The following MIER1 variants were observed in gnomAD, a reference collection of about 807,000 sequenced individuals.
MIER1 encodes the protein MIER1 transcriptional regulator.
In MIER1, 40 loss-of-function variants were observed where a neutral mutation model predicts 75.7. The observed-to-expected ratio is 0.53, with a 90% CI of 0.41 to 0.69. MIER1 has a LOEUF of 0.69. Ranked by LOEUF, MIER1 falls within the 30% of genes least tolerant of loss-of-function variation. The pLI is 0.00. For synonymous variants in MIER1, 213 were observed against 223.4 expected (o/e 0.95, Z 0.42); for missense variants, 574 against 680.2 (o/e 0.84, Z 1.74).
At chr1:66,981,943 C>T (rs756388873) in intron 13 of MIER1, 25 bp downstream of exon 13, 3 of 1,611,238 alleles carry the variant, frequency 1.9e-6, no homozygotes, top group East Asian at 2.2e-5. Flanking sequence ...AAACATTTCT[C>T]TTTCTTCATA....
chr1:66,941,704 C>T (rs568894297), intron 3 of MIER1, among the ~76,000 whole-genome samples: 1 of 152,288 alleles, frequency 6.6e-6, no homozygotes, highest in South Asian at 2.1e-4. Context: ...GGTGCAGTGG[C>T]TCATGCCTGT....
At chr1:66,928,943 CT>C in intron 2 of MIER1, 1 of 1,606,618 alleles carries the variant, frequency 6.2e-7, no homozygotes. Flanking sequence ...TCTGTGGACT[CT>C]TTTCCTGTCA....
intron 2 of MIER1, among the ~76,000 whole-genome samples, chr1:66,931,213 C>T (rs551071455): frequency 7.0e-4 from 107 of 152,184 alleles, no homozygotes; most frequent in African/African-American, 2.6e-3. Flanking sequence ...ATATTTGGGC[C>T]GCAGTTGGCG....
chr1:66,970,378 GTTACAA>G (rs1227333338), intron 8 of MIER1, among the ~76,000 whole-genome samples: 1 of 152,172 alleles, frequency 6.6e-6, no homozygotes, highest in Non-Finnish European at 1.5e-5. Flanking sequence ...AATAGTTACA[GTTACAA>G]TTACAGGATT....
intron 12 of MIER1, 39 bp downstream of exon 12, chr1:66,976,761 T>C: frequency 6.8e-7 from 1 of 1,465,892 alleles, no homozygotes. Context: ...ATATACATTT[T>C]TGCTAAGCTT....
rs545067586 is a variant in MIER1 at position 66,986,942 on chromosome 1, A to G, written c.*2042A>G. 7.7e-6 allele frequency: 1 copy of G among 129,202 alleles called. No homozygotes were observed. The highest frequency in any genetic ancestry group is 3.6e-5 in the African/African-American group (1 of 28,140). The allele number at this position is 129,202 out of a possible 1,614,324, so 8.0% of individuals were successfully genotyped here. On this transcript the variant is annotated 3_prime_UTR_variant, in exon 14 of 14. Coordinates refer to ENST00000401041, the MANE Select transcript of MIER1 (RefSeq NM_001077700.3). ...GATGCTGTACTTTTTGAATTGTTGC[A>G]GTGTTGGAGATGCCATTTTCACCTT...
intron 3 of MIER1, among the ~76,000 whole-genome samples, chr1:66,940,907 A>C (rs1253771946): frequency 2.0e-5 from 3 of 152,216 alleles, no homozygotes; most frequent in Non-Finnish European, 4.4e-5. Flanking sequence ...TGGGTTAAAG[A>C]GTAGTCCAAT....
intron 2 of MIER1, among the ~76,000 whole-genome samples, chr1:66,927,109 C>T (rs911279690): frequency 2.0e-4 from 31 of 152,022 alleles, no homozygotes; most frequent in Non-Finnish European, 3.7e-4. Flanking sequence ...TTTGTGTGTG[C>T]GTGCGCCTTA....
At chr1:66,978,599 C>A (rs1029349210) in intron 12 of MIER1, among the ~76,000 whole-genome samples, 1 of 152,024 alleles carries the variant, frequency 6.6e-6, no homozygotes, top group Non-Finnish European at 1.5e-5. Flanking sequence ...TTAAAATAGT[C>A]ATGATTTTCA....
intron 2 of MIER1, among the ~76,000 whole-genome samples, chr1:66,931,858 C>G (rs1215443839): frequency 1.3e-5 from 2 of 152,014 alleles, no homozygotes; most frequent in African/African-American, 4.8e-5. Context: ...CAGTTAGTGT[C>G]TTCAGTGGAC....
chr1:66,959,124 T>C (rs1256070260), intron 6 of MIER1, 141 bp downstream of exon 6: 5 of 724,118 alleles, frequency 6.9e-6, no homozygotes, highest in East Asian at 2.7e-5. Flanking sequence ...TTGTAAGTTA[T>C]TAGTTTAGCA....
chr1:66,979,671 GATA>G (rs941275260), intron 12 of MIER1, among the ~76,000 whole-genome samples: 17 of 152,000 alleles, frequency 1.1e-4, no homozygotes, highest in Admixed American at 9.2e-4. Context: ...AGGAAACAAT[GATA>G]ATAATAATTA....
At chr1:66,928,862 CTT>C in intron 2 of MIER1, 1 of 1,535,382 alleles carries the variant, frequency 6.5e-7, no homozygotes. Flanking sequence ...TTTCCTTTCT[CTT>C]CTTTCCCTTG....
intron 5 of MIER1, 25 bp downstream of exon 5, chr1:66,958,245 G>A: frequency 1.3e-6 from 2 of 1,485,500 alleles, no homozygotes; most frequent in East Asian, 2.4e-5. Context: ...ATATATTTAA[G>A]ATTGTAGTCT....
At chr1:66,937,453 C>T (rs747811113) in intron 2 of MIER1, among the ~76,000 whole-genome samples, 34 of 151,964 alleles carry the variant, frequency 2.2e-4, no homozygotes, top group South Asian at 2.1e-3. Context: ...GCCATGGTGG[C>T]GCACGCTTGT....
chr1:66,973,095 A>G (rs1664026819), intron 11 of MIER1, 104 bp downstream of exon 11: 2 of 625,454 alleles, frequency 3.2e-6, no homozygotes, highest in Non-Finnish European at 5.6e-6. Flanking sequence ...AGGTTTCATA[A>G]TTAATATGAC....
intron 3 of MIER1, 49 bp from the exon 4 acceptor site, chr1:66,946,101 A>G: frequency 2.0e-6 from 3 of 1,531,966 alleles, no homozygotes; most frequent in Non-Finnish European, 2.6e-6. Context: ...AATATTAATA[A>G]GATCCACTTA....
Position 66,986,430 on chromosome 1 carries a change from AT to A in MIER1, c.*1535del. The A allele has an allele frequency of 6.2e-7, 1 of 1,613,082 alleles. No individual in the cohort carries two copies. The highest frequency in any genetic ancestry group is 8.5e-7 in the Non-Finnish European group (1 of 1,179,458). ...ATACTCCAAATGCTTCTTCCAGTTC[AT>A]TTTTCAGCCATCAGTTCAAGAGCCA... On this transcript the variant is annotated 3_prime_UTR_variant, in exon 14 of 14. Transcript: ENST00000401041.
chr1:66,984,338 C>T (rs984355607), intron 13 of MIER1, among the ~76,000 whole-genome samples: 3 of 152,104 alleles, frequency 2.0e-5, no homozygotes, highest in African/African-American at 7.2e-5. Flanking sequence ...TTCACAACAA[C>T]CCTGTGAGGA....
Sources: allele counts gnomAD v4.1 joint callset (sites outside exome capture counted in the v4.1 genomes callset), GRCh38; gene constraint gnomAD v4.1.1; transcripts MANE v1.5; gene names NCBI Gene and HGNC (gene_info 2026-07-23, HGNC 2026-07-21).